The following GSTZ1 variants were observed in gnomAD, a reference collection of about 807,000 sequenced individuals.
The protein encoded by GSTZ1 is maleylacetoacetate isomerase.
Under a neutral mutation model 35.9 loss-of-function variants are expected in GSTZ1, and 34 were observed. The observed-to-expected ratio is 0.95, with a 90% confidence interval of 0.72 to 1.26. GSTZ1 has a LOEUF of 1.26. Among genes scored for constraint, GSTZ1 ranks in the 50% most tolerant of loss-of-function variants. The pLI is 0.00. For synonymous variants in GSTZ1, 93 were observed against 101.2 expected (o/e 0.92, Z 0.49); for missense variants, 263 against 271.7 (o/e 0.97, Z 0.23).
At position 77,329,809 on chromosome 14, in the gene GSTZ1, T is replaced by G. The variant is rs773852602; in HGVS notation, c.474+2T>G. 6.2e-7 allele frequency: 1 copy of G among 1,612,286 alleles called. No individual in the cohort carries two copies. The highest frequency in any genetic ancestry group is 1.1e-5 in the South Asian group (1 of 91,042). On this transcript the variant is annotated splice_donor_variant, in intron 7 of 8. Transcript: ENST00000216465. LOFTEE classifies it high-confidence loss of function. ...GGCATATACTGTGTAGGAGACGAGG[T>G]AAGCTGTCCCCAGACCTCCCCAGGC... is the stretch of plus-strand genomic sequence containing the variant.
intron 1 of GSTZ1, among the ~76,000 whole-genome samples, chr14:77,321,914 G>A (rs1892025964): frequency 6.6e-6 from 1 of 151,632 alleles, no homozygotes; most frequent in Non-Finnish European, 1.5e-5. Context: ...CGAGCGAGGA[G>A]AGGCAGTCAT....
chr14:77,330,695 AC>A (rs1362263864), intron 8 of GSTZ1, among the ~76,000 whole-genome samples: 1 of 152,022 alleles, frequency 6.6e-6, no homozygotes, highest in African/African-American at 2.4e-5. Context: ...CCTTCCGTGA[AC>A]CCTTTGGTAG....
At chr14:77,325,163 A>G in intron 2 of GSTZ1, 2 of 533,392 alleles carry the variant, frequency 3.7e-6, no homozygotes, top group Non-Finnish European at 6.8e-6. Flanking sequence ...ACTTCTCCCA[A>G]CACTGCTCTC....
In GSTZ1 at chr14:77,324,859, T is replaced by C. The variant is rs188420150; in HGVS notation, c.16-11T>C. ...TGGGTTAACACGCGCCTTCATCCTC[T>C]CTCTCCTCAGCCCATCCTCTATTCC... On this transcript the variant is annotated splice_polypyrimidine_tract_variant and intron_variant, in intron 1 of 8. Transcript: ENST00000216465. The C allele has an allele frequency of 4.0e-5, 65 of 1,613,720 alleles. No individual in the cohort carries two copies. The highest frequency in any genetic ancestry group is 2.5e-6 in the Non-Finnish European group (3 of 1,179,690).
intron 1 of GSTZ1, among the ~76,000 whole-genome samples, chr14:77,322,041 T>C (rs1892035795): frequency 6.6e-6 from 1 of 152,100 alleles, no homozygotes; most frequent in South Asian, 2.1e-4. Flanking sequence ...TTATAAGCGG[T>C]CTAGATGGTT....
intron 6 of GSTZ1, 123 bp from the exon 7 acceptor site, chr14:77,329,632 G>GA: frequency 1.3e-6 from 1 of 765,058 alleles, no homozygotes; most frequent in East Asian, 2.5e-5. Context: ...ATTCTCACCA[G>GA]CAGCCATGCC....
intron 1 of GSTZ1, chr14:77,322,631 G>A: frequency 1.0e-6 from 1 of 984,848 alleles, no homozygotes; most frequent in South Asian, 4.7e-5. Context: ...CTCCAAATAA[G>A]GAAGATCCAG....
intron 2 of GSTZ1, chr14:77,325,734 A>G (rs1358363493): frequency 6.6e-6 from 1 of 152,166 alleles, no homozygotes; most frequent in Non-Finnish European, 1.5e-5. Context: ...AGGCAAAGCC[A>G]TCCTCCGTGA....
intron 7 of GSTZ1, chr14:77,330,068 C>T (rs577878932): frequency 3.0e-6 from 2 of 673,020 alleles, no homozygotes; most frequent in South Asian, 3.2e-5. Flanking sequence ...AATCCATCTT[C>T]TCTGGCCCTC....
intron 1 of GSTZ1, chr14:77,324,438 G>A (rs768346155): frequency 1.5e-5 from 10 of 674,272 alleles, no homozygotes; most frequent in Admixed American, 2.1e-5. Flanking sequence ...GAGCCACTGT[G>A]CCTGGCCAGA....
intron 8 of GSTZ1, 90 bp from the exon 9 acceptor site, chr14:77,330,979 C>A: frequency 7.5e-7 from 1 of 1,330,224 alleles, no homozygotes; most frequent in Non-Finnish European, 1.1e-6. Flanking sequence ...CGACCTCATC[C>A]AGCCCTGCCT....
In GSTZ1 at chr14:77,327,986, C is replaced by T. The variant is rs745921310; in HGVS notation, c.291C>T (p.Ala97=). Residue 97 remains alanine (A), a synonymous_variant, in exon 5 of 9, where the codon GCC becomes GCT. Coordinates refer to ENST00000216465, the MANE Select transcript of GSTZ1 (RefSeq NM_145870.3). ...TGCCTCAGGACCCAAAGAAGAGGGC[C>T]AGCGTGCGTATGATTTCTGACCTCA... ...RLLPQDPKKR[A]SVRMISDLIA... 8.1e-6 allele frequency: 13 copies of T among 1,614,038 alleles called. No homozygotes were observed. Among genetic ancestry groups the T allele is most frequent in the Non-Finnish European group, 1.1e-5 (13 of 1,179,938 alleles).
chr14:77,322,030 T>C (rs1473650059), intron 1 of GSTZ1, among the ~76,000 whole-genome samples: 3 of 152,208 alleles, frequency 2.0e-5, no homozygotes, highest in Admixed American at 6.5e-5. Context: ...TCTGCATGTT[T>C]TTATAAGCGG....
At chr14:77,324,339 G>A in intron 1 of GSTZ1, 1 of 503,462 alleles carries the variant, frequency 2.0e-6, no homozygotes. Flanking sequence ...TAGAGACAGG[G>A]TTTCACCATG....
At chr14:77,321,270 G>T (rs1449932479) in intron 1 of GSTZ1, 87 bp downstream of exon 1, 12 of 1,522,788 alleles carry the variant, frequency 7.9e-6, no homozygotes, top group Admixed American at 2.0e-5. Flanking sequence ...TGCACCGCCC[G>T]CCCAGGCCGA....
At chr14:77,330,632 G>A (rs1892576186) in intron 8 of GSTZ1, among the ~76,000 whole-genome samples, 1 of 152,128 alleles carries the variant, frequency 6.6e-6, no homozygotes, top group African/African-American at 2.4e-5. Flanking sequence ...GCACCTGCCT[G>A]ATGTCCTCAA....
intron 2 of GSTZ1, 54 bp from the exon 3 acceptor site, chr14:77,326,784 T>C: frequency 7.6e-7 from 1 of 1,321,406 alleles, no homozygotes. Context: ...CTCTTTCCTT[T>C]AAGAGTACGG....
At position 77,321,743 on chromosome 14, in the gene GSTZ1, C is replaced by T. The variant is rs373302927; in HGVS notation, c.15+560C>T. Among the ~76,000 whole-genome samples the T allele has an allele frequency of 1.7e-4, 26 of 152,092 alleles. No individual in the cohort carries two copies. The East Asian group carries it at 4.8e-3, about 28-fold the overall frequency. ...TTAAAATACAAAAAAATTAGCCAGG[C>T]GTGGTAGCGGGCGCCTGTAGTCCCA... On this transcript the variant is annotated intron_variant, in intron 1 of 8. Coordinates refer to ENST00000216465, the MANE Select transcript of GSTZ1 (RefSeq NM_145870.3).
Position 77,326,891 on chromosome 14 carries a change from G to T in GSTZ1, c.121G>T (p.Asp41Tyr). Reference sequence around the variant, plus strand: ...GACGGTGCCCATCAATCTCATAAAGGATGGGGGCCAACAGGTAAGAAGGCT... The same window carrying T: ...GACGGTGCCCATCAATCTCATAAAGTATGGGGGCCAACAGGTAAGAAGGCT... ...YETVPINLIKDGGQQFSKDFQ... is the reference protein window; with the variant it reads ...YETVPINLIKYGGQQFSKDFQ... The change falls in exon 3 of 9, where the codon GAT (aspartate) becomes TAT (tyrosine). Residue 41 changes from aspartate to tyrosine, a missense_variant. By Grantham distance (160) the Asp-to-Tyr change is radical. Transcript: ENST00000216465. 2 of 1,605,172 alleles carry T rather than the reference G, an allele frequency of 1.2e-6. No homozygotes were observed. Among genetic ancestry groups the T allele is most frequent in the African/African-American group, 1.3e-5 (1 of 74,970 alleles).
Sources: gnomAD v4.1 joint callset for allele counts (sites outside exome capture counted in the v4.1 genomes callset) on GRCh38, gnomAD v4.1.1 for gene constraint, MANE v1.5 for transcripts, NCBI Gene and HGNC (gene_info 2026-07-23, HGNC 2026-07-21) for gene names.